AK4: variants seen among roughly 807,000 people sequenced by gnomAD.
The protein encoded by AK4 is adenylate kinase 4, mitochondrial.
AK4 carries 13 observed loss-of-function variants against 24.6 expected under a neutral mutation model. That is an observed-to-expected ratio of 0.53 (90% CI 0.34 to 0.84). The LOEUF (loss-of-function observed/expected upper bound fraction) is 0.84. Among genes scored for constraint, AK4 ranks in the 40% least tolerant of loss-of-function variants. The pLI is 0.01. For synonymous variants in AK4, 88 were observed against 107.0 expected (o/e 0.82, Z 1.10); for missense variants, 192 against 288.2 (o/e 0.67, Z 2.42).
At chr1:65,200,243 A>G (rs915380274) in intron 2 of AK4, among the ~76,000 whole-genome samples, 1 of 152,030 alleles carries the variant, frequency 6.6e-6, no homozygotes, top group African/African-American at 2.4e-5. Flanking sequence ...CCTCCTGAGT[A>G]GCTGGGATTA....
intron 1 of AK4, among the ~76,000 whole-genome samples, chr1:65,179,141 C>CT (rs1219672711): frequency 6.6e-6 from 1 of 152,132 alleles, no homozygotes; most frequent in African/African-American, 2.4e-5. Context: ...CACATAGAAA[C>CT]TGAGTTTTTA....
chr1:65,208,242 C>T (rs1651869988), intron 2 of AK4, among the ~76,000 whole-genome samples: 1 of 152,110 alleles, frequency 6.6e-6, no homozygotes, highest in South Asian at 2.1e-4. Flanking sequence ...CTTCTTTTCA[C>T]CATCTGTTAA....
chr1:65,168,758 T>A (rs1650415476), intron 1 of AK4, among the ~76,000 whole-genome samples: 1 of 152,240 alleles, frequency 6.6e-6, no homozygotes, highest in Non-Finnish European at 1.5e-5. Flanking sequence ...TCCAGGTTAC[T>A]CAAATCTGTA....
intron 2 of AK4, among the ~76,000 whole-genome samples, chr1:65,197,211 GT>G (rs35738731): frequency 0.54 from 82,311 of 151,722 alleles, 26,265 homozygotes; most frequent in African/African-American, 0.89. Context: ...ATTAGTAACT[GT>G]TTTTTTTCGT....
chr1:65,202,433 T>C (rs1252352082), intron 2 of AK4, among the ~76,000 whole-genome samples: 2 of 152,014 alleles, frequency 1.3e-5, no homozygotes, highest in African/African-American at 4.8e-5. Context: ...TTAACTGGAT[T>C]ATTAACCTTT....
At chr1:65,166,721 A>G (rs554944312) in intron 1 of AK4, among the ~76,000 whole-genome samples, 2 of 152,126 alleles carry the variant, frequency 1.3e-5, no homozygotes, top group South Asian at 2.1e-4. Flanking sequence ...GGGTCTCACT[A>G]TGTTGCCCAG....
intron 3 of AK4, 116 bp downstream of exon 3, chr1:65,219,042 C>CA: frequency 1.5e-6 from 1 of 682,930 alleles, no homozygotes; most frequent in Non-Finnish European, 2.2e-6. Flanking sequence ...TCTACATGAC[C>CA]AAAAAACATT....
chr1:65,179,027 C>G (rs1047586037), intron 1 of AK4, among the ~76,000 whole-genome samples: 7 of 151,958 alleles, frequency 4.6e-5, no homozygotes, highest in African/African-American at 1.7e-4. Flanking sequence ...GGAGTTGTGT[C>G]TAGGATGGAT....
chr1:65,148,561 C>G lies in AK4; in HGVS notation c.145+9C>G. On this transcript the variant is annotated intron_variant, in intron 1 of 4. Transcript: ENST00000327299. Reference sequence around the variant, plus strand: ...CATCAAGGCCAGCACCGGTGAGGGGCTGCGGGGACGAGGGCCGGGGGCGAG... The same window carrying G: ...CATCAAGGCCAGCACCGGTGAGGGGGTGCGGGGACGAGGGCCGGGGGCGAG... The G allele has an allele frequency of 6.3e-7, 1 of 1,596,352 alleles. No individual in the cohort carries two copies. The highest frequency in any genetic ancestry group is 8.5e-7 in the Non-Finnish European group (1 of 1,171,372).
intron 2 of AK4, among the ~76,000 whole-genome samples, chr1:65,194,668 G>C (rs573797089): frequency 1.3e-5 from 2 of 152,270 alleles, no homozygotes; most frequent in African/African-American, 4.8e-5. Flanking sequence ...CACCATGGTG[G>C]CCAGGCTGGT....
chr1:65,192,989 T>C (rs1383381330), intron 2 of AK4, among the ~76,000 whole-genome samples: 3 of 152,198 alleles, frequency 2.0e-5, no homozygotes, highest in Admixed American at 2.0e-4. Context: ...GTTGGAGTTG[T>C]ATACTGGTGG....
chr1:65,178,106 G>A (rs1650778585), intron 1 of AK4, among the ~76,000 whole-genome samples: 1 of 152,122 alleles, frequency 6.6e-6, no homozygotes, highest in Non-Finnish European at 1.5e-5. Flanking sequence ...GTAGGGTCCT[G>A]TGGATGGGAA....
chr1:65,178,140 T>C (rs1490825865), intron 1 of AK4, among the ~76,000 whole-genome samples: 1 of 152,112 alleles, frequency 6.6e-6, no homozygotes, highest in Admixed American at 6.5e-5. Flanking sequence ...AAAGGTATGA[T>C]AATTCTTCAT....
intron 1 of AK4, among the ~76,000 whole-genome samples, chr1:65,163,066 G>A (rs1263173729): frequency 2.6e-5 from 4 of 152,090 alleles, no homozygotes; most frequent in Admixed American, 2.6e-4. Context: ...CCTGCTATGG[G>A]ACATTTGTAT....
chr1:65,183,968 G>A (rs1010710560), intron 1 of AK4, among the ~76,000 whole-genome samples: 1 of 152,072 alleles, frequency 6.6e-6, no homozygotes, highest in Admixed American at 6.6e-5. Flanking sequence ...CATGAATTTT[G>A]GAGAGATGAC....
intron 1 of AK4, among the ~76,000 whole-genome samples, chr1:65,158,141 C>T (rs1279926915): frequency 6.6e-6 from 1 of 152,132 alleles, no homozygotes; most frequent in East Asian, 1.9e-4. Context: ...ATTGCTTGTG[C>T]TTGCCTTTAA....
Position 65,226,805 on chromosome 1 carries a change from C to CTTT in AK4, c.*636_*638dup, listed in dbSNP as rs1006943584. The CTTT allele has an allele frequency of 3.4e-4, 49 of 143,914 alleles. No homozygotes were observed. Among genetic ancestry groups the CTTT allele is most frequent in the African/African-American group, 1.3e-3 (48 of 38,162 alleles). 8.9% of individuals were successfully genotyped at this position (143,914 alleles called of 1,614,324 possible). ...GACATCCTGGGATGAAAGAATTTGG[C>CTTT]TTTTTTTTTTCTTTTTTTTTTTGGA... On this transcript the variant is annotated 3_prime_UTR_variant, in exon 5 of 5. Coordinates refer to ENST00000327299, the MANE Select transcript of AK4 (RefSeq NM_013410.4).
chr1:65,158,593 T>C (rs1464290418), intron 1 of AK4, among the ~76,000 whole-genome samples: 1 of 152,162 alleles, frequency 6.6e-6, no homozygotes, highest in Non-Finnish European at 1.5e-5. Context: ...CTCTGCCTCC[T>C]GGGTTCAAGC....
intron 3 of AK4, among the ~76,000 whole-genome samples, chr1:65,221,953 C>T (rs1056679262): frequency 2.0e-5 from 3 of 152,060 alleles, no homozygotes; most frequent in African/African-American, 4.8e-5. Context: ...AGGACACGGA[C>T]GCAAGGAGTT....
Sources: gnomAD v4.1 joint callset for allele counts (sites outside exome capture counted in the v4.1 genomes callset) on GRCh38, gnomAD v4.1.1 for gene constraint, MANE v1.5 for transcripts, NCBI Gene and HGNC (gene_info 2026-07-23, HGNC 2026-07-21) for gene names.